Variants in BCAS3 observed in about 807,000 individuals in gnomAD.
The protein encoded by BCAS3 is BCAS3 microtubule associated cell migration factor.
In BCAS3, 53 loss-of-function variants were observed where a neutral mutation model predicts 116.1. The observed-to-expected ratio is 0.46, with a 90% CI of 0.37 to 0.57. The LOEUF is 0.57. BCAS3 is among the 20% of genes least tolerant of loss of function. The probability of loss-of-function intolerance (pLI) is 0.00; values close to 1 mark genes in which losing one functional copy is unlikely to be tolerated. For missense variants in BCAS3, 917 were observed against 1,165.4 expected, an observed-to-expected ratio of 0.79 and a Z score of 3.10; for synonymous variants, 391 against 408.2, an observed-to-expected ratio of 0.96 and a Z score of 0.51.
intron 23 of BCAS3, among the ~76,000 whole-genome samples, chr17:61,371,396 G>T (rs1429917355): frequency 6.6e-6 from 1 of 152,210 alleles, no homozygotes; most frequent in Non-Finnish European, 1.5e-5. Context: ...ACAAAGTAAA[G>T]TGAAACCTTT....
intron 14 of BCAS3, among the ~76,000 whole-genome samples, chr17:60,977,538 C>T (rs1039721014): frequency 2.6e-5 from 4 of 151,204 alleles, no homozygotes; most frequent in African/African-American, 9.7e-5. Context: ...TTTTAGGGTA[C>T]ATGTGCACAA....
intron 10 of BCAS3, among the ~76,000 whole-genome samples, chr17:60,892,704 T>C (rs2057251957): frequency 6.6e-6 from 1 of 151,792 alleles, no homozygotes; most frequent in Non-Finnish European, 1.5e-5. Flanking sequence ...GTGGATCACG[T>C]GAGGCCAGGA....
intron 4 of BCAS3, among the ~76,000 whole-genome samples, chr17:60,708,701 G>A (rs1259619997): frequency 1.3e-5 from 2 of 152,012 alleles, no homozygotes; most frequent in South Asian, 2.1e-4. Flanking sequence ...ACTAATTTTT[G>A]TAGTTTTTAG....
chr17:61,084,516 C>T lies in BCAS3; in HGVS notation c.2377C>T (p.Pro793Ser). Reference sequence around the variant, plus strand: ...CGTCAGCATGCCAGGGTCATCCCGTCCAGTCTCTGATCGAAGGGGAGTTTC... The same window carrying T: ...CGTCAGCATGCCAGGGTCATCCCGTTCAGTCTCTGATCGAAGGGGAGTTTC... Reference protein sequence around the residue: ...DPVSMPGSSRPVSDRRGVSTV... With the variant: ...DPVSMPGSSRSVSDRRGVSTV... Residue 793 changes from proline to serine, a missense_variant, in exon 22 of 24, where the codon CCA (proline) becomes TCA (serine). Pro to Ser is a moderately conservative substitution (Grantham distance 74). Transcript: ENST00000407086. This position sits in a 1 kb window ranked among gnomAD's most constrained non-coding sequence, Gnocchi z 5.5. 6.2e-7 allele frequency: 1 copy of T among 1,614,174 alleles called. No individual in the cohort carries two copies. Among genetic ancestry groups the T allele is most frequent in the Non-Finnish European group, 8.5e-7 (1 of 1,180,012 alleles).
intron 22 of BCAS3, among the ~76,000 whole-genome samples, chr17:61,303,803 G>A (rs894267339): frequency 6.6e-6 from 1 of 152,196 alleles, no homozygotes; most frequent in Admixed American, 6.5e-5. Flanking sequence ...TCTGGACTGT[G>A]AAGTCCTGAA....
chr17:60,765,975 A>T (rs950710948), intron 6 of BCAS3, among the ~76,000 whole-genome samples: 1 of 152,106 alleles, frequency 6.6e-6, no homozygotes, highest in Non-Finnish European at 1.5e-5. Flanking sequence ...ATTAGATCGA[A>T]TCGGCTACTG....
At chr17:61,138,431 A>G (rs1377064881) in intron 22 of BCAS3, among the ~76,000 whole-genome samples, 3 of 152,210 alleles carry the variant, frequency 2.0e-5, no homozygotes, top group Non-Finnish European at 2.9e-5. Flanking sequence ...GCAGATTCAG[A>G]GATTACTGTT....
At chr17:61,329,271 C>T (rs2056011440) in intron 22 of BCAS3, among the ~76,000 whole-genome samples, 1 of 151,948 alleles carries the variant, frequency 6.6e-6, no homozygotes, top group African/African-American at 2.4e-5. Flanking sequence ...AATACCAAAA[C>T]ATCAGGGGTT....
At chr17:60,903,346 A>G (rs2058019337) in intron 11 of BCAS3, among the ~76,000 whole-genome samples, 1 of 152,218 alleles carries the variant, frequency 6.6e-6, no homozygotes, top group South Asian at 2.1e-4. Flanking sequence ...AACAAATACA[A>G]AAATACTTCA....
rs760472054 is a variant in BCAS3, at chr17:61,041,399, C to T, written c.2029+507C>T. Among the ~76,000 whole-genome samples the T allele has an allele frequency of 3.9e-5, 6 of 152,120 alleles. No individual in the cohort carries two copies. The highest frequency in any genetic ancestry group is 1.2e-4 in the African/African-American group (5 of 41,436). ...GTTTACTTATATGTTTAAGCGTGAG[C>T]ATTTGTAGAGACTGAACCAAGTTCA... On this transcript the variant is annotated intron_variant, in intron 19 of 23. Coordinates refer to ENST00000407086, the MANE Select transcript of BCAS3 (RefSeq NM_017679.5). The surrounding 1 kb of genome is among the most constrained non-coding windows in gnomAD (Gnocchi z 4.7).
At position 60,780,137 on chromosome 17, in the gene BCAS3, C is replaced by T. The variant is rs368557258; in HGVS notation, c.404-27867C>T. On this transcript the variant is annotated intron_variant, in intron 6 of 23. Transcript: ENST00000407086. ...CCCCGAGTAGCTGGGACTACAGGCA[C>T]GTGCCACCACACCCAGCTAATTTTT... is the stretch of plus-strand genomic sequence containing the variant. 1.1e-4 allele frequency among the ~76,000 whole-genome samples: 16 copies of T among 151,754 alleles called. 1 individual carries two copies. The highest frequency in any genetic ancestry group is 3.9e-4 in the African/African-American group (16 of 41,412).
At position 61,316,687 on chromosome 17, in the gene BCAS3, A is replaced by G. The variant is rs1392980374; in HGVS notation, c.2426-51640A>G. Among the ~76,000 whole-genome samples, 1 of 152,216 alleles carries G rather than the reference A, an allele frequency of 6.6e-6. No individual in the cohort carries two copies. Among genetic ancestry groups the G allele is most frequent in the Non-Finnish European group, 1.5e-5 (1 of 68,040 alleles). On this transcript the variant is annotated intron_variant, in intron 22 of 23. Coordinates refer to ENST00000407086, the MANE Select transcript of BCAS3 (RefSeq NM_017679.5). The surrounding 1 kb of genome is among the most constrained non-coding windows in gnomAD (Gnocchi z 5.8). ...AAGGAGGATAAAATAAAAGGAAAAG[A>G]AGAGGTATGAATTCTTTGGAAAAGA...
At chr17:60,752,737 C>CATTT (rs59358577) in intron 6 of BCAS3, among the ~76,000 whole-genome samples, 110,450 of 151,898 alleles carry the variant, frequency 0.73, 45,896 homozygotes, top group South Asian at 0.98. Context: ...AGTCTACCAA[C>CATTT]ATTTATACAT....
intron 22 of BCAS3, among the ~76,000 whole-genome samples, chr17:61,240,779 A>G (rs528303295): frequency 1.7e-4 from 26 of 152,234 alleles, no homozygotes; most frequent in Non-Finnish European, 3.4e-4. Context: ...ATTTACCTAT[A>G]TCATTGAGCC....
rs1216302788 is a variant in BCAS3, at chr17:61,156,918, T to A, written c.2425+72354T>A. ...ATTATTTTTCCTTTGAAACAACACT[T>A]AAAAAAAACAAATTCTACAACATTT... On this transcript the variant is annotated intron_variant, in intron 22 of 23. Transcript: ENST00000407086. This position sits in a 1 kb window ranked among gnomAD's most constrained non-coding sequence, Gnocchi z 4.7. Among the ~76,000 whole-genome samples the A allele has an allele frequency of 6.6e-6, 1 of 151,842 alleles. No homozygotes were observed. The highest frequency in any genetic ancestry group is 2.4e-5 in the African/African-American group (1 of 41,330).
rs1238395503 is a variant in BCAS3, at chr17:61,065,604, G to A, written c.2030-9316G>A. On this transcript the variant is annotated intron_variant, in intron 19 of 23. Coordinates refer to ENST00000407086, the MANE Select transcript of BCAS3 (RefSeq NM_017679.5). This position sits in a 1 kb window ranked among gnomAD's most constrained non-coding sequence, Gnocchi z 4.8. The stretch of plus-strand genomic sequence containing the variant: ...TGTTGTTCCTCTAAATAACCTAAAC[G>A]ACTGAAAAATGCTGGCACAACATTA... Among the ~76,000 whole-genome samples the A allele has an allele frequency of 6.6e-6, 1 of 152,092 alleles. No homozygotes were observed. Among genetic ancestry groups the A allele is most frequent in the Non-Finnish European group, 1.5e-5 (1 of 68,014 alleles).
rs2072727945 is a variant in BCAS3 at position 61,082,713 on chromosome 17, A to G, written c.2328-1754A>G. ...AACTTCTCTTTTCTAACTGGCCCAC[A>G]TTAGCTTAGGCTTACCTATCCCCTA... On this transcript the variant is annotated intron_variant, in intron 21 of 23. Transcript: ENST00000407086. The surrounding 1 kb of genome is among the most constrained non-coding windows in gnomAD (Gnocchi z 5.1). Among the ~76,000 whole-genome samples the G allele has an allele frequency of 6.6e-6, 1 of 152,308 alleles. No homozygotes were observed. The highest frequency in any genetic ancestry group is 2.4e-5 in the African/African-American group (1 of 41,572).
At chr17:61,115,177 TG>T (rs2075349570) in intron 22 of BCAS3, among the ~76,000 whole-genome samples, 3 of 152,194 alleles carry the variant, frequency 2.0e-5, no homozygotes, top group Admixed American at 1.3e-4. Flanking sequence ...GACATAGGCA[TG>T]GGCAAAGACT....
In BCAS3 at chr17:61,243,146, G is replaced by A. The variant is rs1004576154; in HGVS notation, c.2426-125181G>A. On this transcript the variant is annotated intron_variant, in intron 22 of 23. Coordinates refer to ENST00000407086, the MANE Select transcript of BCAS3 (RefSeq NM_017679.5). This position sits in a 1 kb window ranked among gnomAD's most constrained non-coding sequence, Gnocchi z 5.6. Reference sequence around the variant, plus strand: ...AAGATGGCCTCCATCTCCTGACCTCGTGATCCGCCCGCCACGGCCTCCCAA... The same window carrying A: ...AAGATGGCCTCCATCTCCTGACCTCATGATCCGCCCGCCACGGCCTCCCAA... 5.9e-5 allele frequency among the ~76,000 whole-genome samples: 9 copies of A among 152,060 alleles called. No individual in the cohort carries two copies. Among genetic ancestry groups the A allele is most frequent in the Admixed American group, 1.3e-4 (2 of 15,270 alleles).
Sources: allele counts gnomAD v4.1 joint callset (sites outside exome capture counted in the v4.1 genomes callset), GRCh38; gene constraint gnomAD v4.1.1; non-coding constraint Gnocchi (gnomAD v3.1); transcripts MANE v1.5; gene names NCBI Gene and HGNC (gene_info 2026-07-23, HGNC 2026-07-21).